Variants in STARD13 observed in about 807,000 individuals in gnomAD.
STARD13 encodes stAR-related lipid transfer protein 13.
A neutral mutation model predicts 106.4 loss-of-function variants in STARD13; 62 were observed. The ratio of observed to expected loss-of-function variants is 0.58; its 90% CI spans 0.48 to 0.72. STARD13 has a LOEUF of 0.72. STARD13 is among the 30% of genes least tolerant of loss of function. STARD13 has a pLI of 0.00. For missense variants in STARD13, 1,387 were observed against 1,424.0 expected (o/e 0.97, Z 0.42); for synonymous variants, 565 against 553.0 (o/e 1.02, Z -0.31).
the STARD13 span, among the ~76,000 whole-genome samples, chr13:33,627,572 G>T: frequency 1.6e-4 from 25 of 151,956 alleles, no homozygotes. Flanking sequence ...GGGAGGTGGA[G>T]GTTGCAGTGA....
the STARD13 span, among the ~76,000 whole-genome samples, chr13:33,495,694 T>C: frequency 0.077 from 11,670 of 151,598 alleles, 486 homozygotes; most frequent in East Asian, 0.14. Flanking sequence ...CTCTCTGTTT[T>C]CCATGCCTCT....
intron 1 of STARD13, among the ~76,000 whole-genome samples, chr13:33,182,706 C>T (rs138144467): frequency 1.1e-4 from 17 of 152,360 alleles, no homozygotes; most frequent in African/African-American, 2.6e-4. Context: ...GTGGGCTGGA[C>T]GAGCTTGGTT....
the STARD13 span, among the ~76,000 whole-genome samples, chr13:33,523,358 C>A: frequency 4.6e-5 from 7 of 151,984 alleles, no homozygotes; most frequent in African/African-American, 1.7e-4. Flanking sequence ...TTAAATTATC[C>A]CTTTCTAGGT....
intron 1 of STARD13, among the ~76,000 whole-genome samples, chr13:33,223,415 T>C (rs550311270): frequency 6.6e-6 from 1 of 152,076 alleles, no homozygotes. Context: ...TCCCAGCACT[T>C]TGGGAGGCCG....
chr13:33,561,701 G>T, the STARD13 span, among the ~76,000 whole-genome samples: 2 of 131,550 alleles, frequency 1.5e-5, no homozygotes, highest in Admixed American at 1.7e-4. Context: ...TAAAGGTATT[G>T]CTAATCCCTT....
At chr13:33,614,125 C>T in the STARD13 span, among the ~76,000 whole-genome samples, 9 of 152,044 alleles carry the variant, frequency 5.9e-5, no homozygotes, top group East Asian at 1.9e-4. Flanking sequence ...CTGATCTGGC[C>T]GAAGAGGGGT....
At chr13:33,662,256 C>G in the STARD13 span, among the ~76,000 whole-genome samples, 2 of 140,876 alleles carry the variant, frequency 1.4e-5, no homozygotes, top group African/African-American at 3.0e-5. Context: ...AGCAAGACCC[C>G]GTCTCAAAAA....
chr13:33,449,272 T>C, the STARD13 span, among the ~76,000 whole-genome samples: 3 of 152,186 alleles, frequency 2.0e-5, no homozygotes, highest in Admixed American at 1.3e-4. Flanking sequence ...CTTGAGTTGA[T>C]GTTTGTCTAT....
chr13:33,633,959 T>A, the STARD13 span, among the ~76,000 whole-genome samples: 1 of 152,222 alleles, frequency 6.6e-6, no homozygotes, highest in Admixed American at 6.5e-5. Context: ...AAGACCACAT[T>A]TGTTTTTATC....
At chr13:33,288,623 A>G (rs1892170171), upstream of STARD13, among the ~76,000 whole-genome samples, 1 of 151,992 alleles carries the variant, frequency 6.6e-6, no homozygotes, top group Admixed American at 6.6e-5. Flanking sequence ...CTAATTAAAA[A>G]AAAAAAGCCA....
the STARD13 span, among the ~76,000 whole-genome samples, chr13:33,527,925 T>C: frequency 3.3e-5 from 5 of 151,298 alleles, no homozygotes; most frequent in Non-Finnish European, 7.4e-5. Context: ...AAGAACCCGT[T>C]AACTGACCAT....
the STARD13 span, among the ~76,000 whole-genome samples, chr13:33,451,371 T>C: frequency 1.3e-5 from 2 of 152,034 alleles, no homozygotes; most frequent in African/African-American, 2.4e-5. Flanking sequence ...AGGGATGGAC[T>C]GGGGGTGGAA....
the STARD13 span, among the ~76,000 whole-genome samples, chr13:33,378,305 A>G: frequency 2.6e-5 from 4 of 152,034 alleles, no homozygotes; most frequent in African/African-American, 9.7e-5. Flanking sequence ...TGTCACCCCA[A>G]ACATACCAAA....
chr13:33,531,404 C>G, the STARD13 span, among the ~76,000 whole-genome samples: 1 of 152,158 alleles, frequency 6.6e-6, no homozygotes, highest in African/African-American at 2.4e-5. Context: ...TGCAATTATT[C>G]TTGTGAATGC....
intron 1 of STARD13, among the ~76,000 whole-genome samples, chr13:33,301,627 G>A (rs1892720311): frequency 6.8e-6 from 1 of 147,076 alleles, no homozygotes; most frequent in African/African-American, 2.5e-5. Context: ...GAGTACCGTG[G>A]CGTGATCTTG....
the STARD13 span, among the ~76,000 whole-genome samples, chr13:33,643,710 T>C: frequency 1.3e-5 from 2 of 152,202 alleles, no homozygotes; most frequent in South Asian, 4.1e-4. Flanking sequence ...CATCCTCACT[T>C]CCCCCCAGCG....
At chr13:33,455,000 GA>G in the STARD13 span, among the ~76,000 whole-genome samples, 1 of 152,238 alleles carries the variant, frequency 6.6e-6, no homozygotes, top group South Asian at 2.1e-4. Context: ...CAACTGTCCA[GA>G]AGGATTTGGC....
rs751527668 is a variant in STARD13 at position 33,127,484 on chromosome 13, T to A, written c.1811A>T (p.His604Leu). The change falls in exon 6 of 14, where the codon CAC (histidine) becomes CTC (leucine). Residue 604 changes from histidine (H) to leucine (L), a missense_variant. Physicochemically the swap from His to Leu is moderately conservative, Grantham distance 99. Coordinates refer to ENST00000336934, the MANE Select transcript of STARD13 (RefSeq NM_178006.4). ...HQPRPAPASPHISSQTASQLS... is the reference protein window; with the variant it reads ...HQPRPAPASPLISSQTASQLS... Reference sequence around the variant, plus strand: ...CTGGCTGGCCGTCTGGCTGCTGATGTGGGGCGATGCTGGGGCCGGCCGGGG... The same window carrying A: ...CTGGCTGGCCGTCTGGCTGCTGATGAGGGGCGATGCTGGGGCCGGCCGGGG... 6 of 1,595,020 alleles carry A rather than the reference T, an allele frequency of 3.8e-6. No homozygotes were observed. Among genetic ancestry groups the A allele is most frequent in the Non-Finnish European group, 3.4e-6 (4 of 1,175,898 alleles).
At chr13:33,441,858 C>T in the STARD13 span, among the ~76,000 whole-genome samples, 1 of 152,164 alleles carries the variant, frequency 6.6e-6, no homozygotes, top group African/African-American at 2.4e-5. Flanking sequence ...CAATAAGATC[C>T]ACTTTTCCCA....
Sources: gnomAD v4.1 joint callset for allele counts (sites outside exome capture counted in the v4.1 genomes callset) on GRCh38, gnomAD v4.1.1 for gene constraint, MANE v1.5 for transcripts, NCBI Gene and HGNC (gene_info 2026-07-23, HGNC 2026-07-21) for gene names.